LIPA: variants seen among roughly 807,000 people sequenced by gnomAD.
LIPA encodes lipase A, lysosomal acid type, also known as lysosomal acid lipase/cholesteryl ester hydrolase.
A neutral mutation model predicts 40.6 loss-of-function variants in LIPA; 26 were observed. The ratio of observed to expected loss-of-function variants is 0.64; its 90% CI spans 0.47 to 0.89. The LOEUF (loss-of-function observed/expected upper bound fraction) is 0.89. Among genes scored for constraint, LIPA ranks in the 40% least tolerant of loss-of-function variants. The pLI, the probability that LIPA is intolerant of heterozygous loss-of-function variation, is 0.00. For synonymous variants in LIPA, 188 were observed against 168.4 expected, an observed-to-expected ratio of 1.12 and a Z score of -0.90; for missense variants, 455 against 479.6, an observed-to-expected ratio of 0.95 and a Z score of 0.48.
intron 1 of LIPA, among the ~76,000 whole-genome samples, chr10:89,274,291 C>T (rs1159536137): frequency 2.0e-5 from 3 of 152,334 alleles, no homozygotes; most frequent in South Asian, 2.1e-4. Flanking sequence ...ACACAGGAAA[C>T]TCACCTTTTA....
At chr10:89,236,197 A>G (rs1015157612) in intron 3 of LIPA, among the ~76,000 whole-genome samples, 12 of 152,242 alleles carry the variant, frequency 7.9e-5, no homozygotes, top group African/African-American at 2.7e-4. Context: ...ACACACTTAC[A>G]GACCAAACAT....
At chr10:89,289,127 C>T (rs11203060) in intron 1 of LIPA, among the ~76,000 whole-genome samples, 26,757 of 143,578 alleles carry the variant, frequency 0.19, 2,313 homozygotes, top group East Asian at 0.61. Context: ...TCACTCCCAC[C>T]TACTCTCCCA....
intron 2 of LIPA, chr10:89,362,657 C>A: frequency 1.9e-6 from 1 of 540,212 alleles, no homozygotes; most frequent in Non-Finnish European, 3.1e-6. Flanking sequence ...CCCAGACTTA[C>A]CTGGATAAGG....
chr10:89,215,285 G>A (rs1842610146), intron 9 of LIPA, among the ~76,000 whole-genome samples: 1 of 152,220 alleles, frequency 6.6e-6, no homozygotes, highest in African/African-American at 2.4e-5. Context: ...TAGCTGTGGA[G>A]CTGCTGCCGT....
intron 1 of LIPA, among the ~76,000 whole-genome samples, chr10:89,286,451 C>A (rs1479106812): frequency 6.6e-6 from 1 of 152,120 alleles, no homozygotes; most frequent in Non-Finnish European, 1.5e-5. Flanking sequence ...CAGTTTCGTT[C>A]TGCGACTAGC....
At chr10:89,217,170 G>A (rs1435515331) in intron 8 of LIPA, among the ~76,000 whole-genome samples, 1 of 152,194 alleles carries the variant, frequency 6.6e-6, no homozygotes, top group Non-Finnish European at 1.5e-5. Context: ...ACAAGGTGGC[G>A]CCTGGTAAAA....
chr10:89,252,227 T>G (rs886741372), upstream of LIPA, among the ~76,000 whole-genome samples: 8 of 152,284 alleles, frequency 5.3e-5, no homozygotes, highest in African/African-American at 1.7e-4. Flanking sequence ...AAAGCAATCT[T>G]GCTGCTTTAA....
rs1234127990 is a variant in LIPA at position 89,388,088 on chromosome 10, A to T, written c.61+24703T>A. Among the ~76,000 whole-genome samples, 5 of 151,584 alleles carry T rather than the reference A, an allele frequency of 3.3e-5. No homozygotes were observed. The Admixed American group carries it at 3.3e-4, about 10-fold the overall frequency. On this transcript the variant is annotated intron_variant, in intron 2 of 8. Transcript: ENST00000371837. Reference sequence around the variant, plus strand: ...CATTTTTAATAGGATATAGCTTATAAACAAAACTAACATGGAAAAAAATTC... The same window carrying T: ...CATTTTTAATAGGATATAGCTTATATACAAAACTAACATGGAAAAAAATTC...
chr10:89,286,185 C>T (rs1044780115), intron 1 of LIPA, among the ~76,000 whole-genome samples: 1 of 151,972 alleles, frequency 6.6e-6, no homozygotes, highest in Non-Finnish European at 1.5e-5. Context: ...ATCGGTCCCT[C>T]GTCCCTCCCT....
In LIPA at chr10:89,222,514, G is replaced by GC; in HGVS notation, c.890dup (p.Ser297ArgfsTer5). ...AATGCACTCCTGGAATGCCTACCTG[G>GC]CTCCAGTGTAACATGTTTTGCACAG... On this transcript the variant is annotated frameshift_variant, in exon 8 of 10. Transcript: ENST00000336233. LOFTEE classifies it high-confidence loss of function. 1 of 1,603,674 alleles carries GC rather than the reference G, an allele frequency of 6.2e-7. No individual in the cohort carries two copies. The highest frequency in any genetic ancestry group is 2.2e-5 in the East Asian group (1 of 44,830).
chr10:89,245,666 C>CT lies in LIPA; in HGVS notation c.229+9dup, dbSNP rs1399049755. 1 of 1,378,332 alleles carries CT rather than the reference C, an allele frequency of 7.3e-7. No individual in the cohort carries two copies. Among genetic ancestry groups the CT allele is most frequent in the Non-Finnish European group, 1.0e-6 (1 of 965,620 alleles). 85.4% of individuals were successfully genotyped at this position (1,378,332 alleles called of 1,614,324 possible). On this transcript the variant is annotated intron_variant, in intron 3 of 9. Transcript: ENST00000336233. Reference sequence around the variant, plus strand: ...AATTCTGGTTTTTACTTTTAAGAGCCTTCCCATACCTTTGTCAGAATGGTT... The same window carrying CT: ...AATTCTGGTTTTTACTTTTAAGAGCCTTTCCCATACCTTTGTCAGAATGGTT...
chr10:89,254,079 G>A (rs1045096500), upstream of LIPA, among the ~76,000 whole-genome samples: 21 of 152,230 alleles, frequency 1.4e-4, no homozygotes, highest in African/African-American at 4.3e-4. Flanking sequence ...GCTATCGGTG[G>A]ATCTACCATT....
chr10:89,236,339 A>G (rs2133449096), intron 3 of LIPA, among the ~76,000 whole-genome samples: 1 of 151,824 alleles, frequency 6.6e-6, no homozygotes. Flanking sequence ...TTGCTCAAGT[A>G]TTGTAAATAT....
chr10:89,398,195 A>C (rs1844372547), intron 2 of LIPA, among the ~76,000 whole-genome samples: 1 of 152,214 alleles, frequency 6.6e-6, no homozygotes, highest in Non-Finnish European at 1.5e-5. Context: ...AGCTGAAGGC[A>C]GCTGTTCTAT....
upstream of LIPA, among the ~76,000 whole-genome samples, chr10:89,253,364 C>T (rs58088548): frequency 0.014 from 2,201 of 152,232 alleles, 71 homozygotes; most frequent in African/African-American, 0.05. Context: ...TCTTACATGG[C>T]GGCACATGTG....
chr10:89,402,352 C>T (rs756318319), intron 2 of LIPA: 1 of 1,614,060 alleles, frequency 6.2e-7, no homozygotes, highest in Non-Finnish European at 8.5e-7. Context: ...TGGGAGTTAT[C>T]CATTGATGAC....
chr10:89,370,622 C>A (rs1220285742), intron 2 of LIPA, among the ~76,000 whole-genome samples: 1 of 152,084 alleles, frequency 6.6e-6, no homozygotes, highest in African/African-American at 2.4e-5. Flanking sequence ...GGCCAGATAA[C>A]TCTTTGCTGT....
At chr10:89,377,765 G>A (rs1232550555) in intron 2 of LIPA, among the ~76,000 whole-genome samples, 1 of 152,082 alleles carries the variant, frequency 6.6e-6, no homozygotes, top group Non-Finnish European at 1.5e-5. Flanking sequence ...AAAAATATAC[G>A]TTCCTGTCTG....
chr10:89,291,005 ATAT>A (rs1323804557), intron 1 of LIPA, among the ~76,000 whole-genome samples: 74 of 152,138 alleles, frequency 4.9e-4, no homozygotes, highest in African/African-American at 1.7e-3. Flanking sequence ...GTGTTTTCTG[ATAT>A]TATTACAATT....
Sources: allele counts gnomAD v4.1 joint callset (sites outside exome capture counted in the v4.1 genomes callset), GRCh38; gene constraint gnomAD v4.1.1; transcripts MANE v1.5; gene names NCBI Gene and HGNC (gene_info 2026-07-23, HGNC 2026-07-21).